Variants in MTRF1 observed in about 807,000 individuals in gnomAD.
The protein encoded by MTRF1 is mitochondrial translation release factor 1.
A neutral mutation model predicts 62.9 loss-of-function variants in MTRF1; 51 were observed. That is an observed-to-expected ratio of 0.81 (90% CI 0.65 to 1.02). The LOEUF (loss-of-function observed/expected upper bound fraction) is 1.02, where lower values mean the gene tolerates loss of function less well. Ranked by LOEUF, MTRF1 falls within the 50% of genes least tolerant of loss-of-function variation. MTRF1 has a pLI of 0.00. For synonymous variants in MTRF1, 158 were observed against 181.9 expected (o/e 0.87, Z 1.06); for missense variants, 446 against 530.0 (o/e 0.84, Z 1.56).
chr13:41,269,200 T>TTTTG, the MTRF1 span, among the ~76,000 whole-genome samples: 4 of 64,486 alleles, frequency 6.2e-5, no homozygotes, highest in East Asian at 3.2e-4. Context: ...TTTTTTTTGG[T>TTTTG]TTTTTTTTTT....
chr13:41,220,174 A>G (rs550109530), intron 9 of MTRF1, among the ~76,000 whole-genome samples: 1 of 150,710 alleles, frequency 6.6e-6, no homozygotes, highest in Non-Finnish European at 1.5e-5. Flanking sequence ...TTAAAAACAC[A>G]GAAAAATTAG....
At chr13:41,298,384 C>CATT in the MTRF1 span, among the ~76,000 whole-genome samples, 150,600 of 151,126 alleles carry the variant, frequency 1, 75,039 homozygotes, top group Middle Eastern at 1. Flanking sequence ...TAAGTTAGCA[C>CATT]TATTACGAAG....
intron 6 of MTRF1, among the ~76,000 whole-genome samples, chr13:41,237,728 A>T (rs1201726299): frequency 6.6e-6 from 1 of 152,050 alleles, no homozygotes; most frequent in Non-Finnish European, 1.5e-5. Flanking sequence ...TGAACTCCTG[A>T]CCTCAAATGA....
the MTRF1 span, among the ~76,000 whole-genome samples, chr13:41,307,323 T>C: frequency 6.6e-6 from 1 of 152,140 alleles, no homozygotes; most frequent in Non-Finnish European, 1.5e-5. Flanking sequence ...CACGATCTAG[T>C]TGTTTAAAAG....
chr13:41,239,813 G>A (rs2037218640), intron 6 of MTRF1, among the ~76,000 whole-genome samples: 1 of 152,120 alleles, frequency 6.6e-6, no homozygotes, highest in African/African-American at 2.4e-5. Context: ...TTGCCTAGGG[G>A]AGAGTTAAAC....
chr13:41,269,564 T>TA, the MTRF1 span, among the ~76,000 whole-genome samples: 7,535 of 151,748 alleles, frequency 0.05, 243 homozygotes, highest in Non-Finnish European at 0.077. Flanking sequence ...TTCACTTTTT[T>TA]AAAAAGGACA....
chr13:41,228,754 A>G (rs1413415241), intron 7 of MTRF1, among the ~76,000 whole-genome samples: 1 of 152,246 alleles, frequency 6.6e-6, no homozygotes, highest in Non-Finnish European at 1.5e-5. Flanking sequence ...ACCCCTATGA[A>G]TAACTCTTCC....
intron 2 of MTRF1, among the ~76,000 whole-genome samples, 154 bp downstream of exon 2, chr13:41,260,339 T>C (rs1268947807): frequency 6.6e-6 from 1 of 151,760 alleles, no homozygotes; most frequent in Non-Finnish European, 1.5e-5. Context: ...GGGCAACAAG[T>C]GAGAACCTGC....
chr13:41,259,659 G>A (rs1480518759), intron 2 of MTRF1, among the ~76,000 whole-genome samples: 11 of 125,190 alleles, frequency 8.8e-5, no homozygotes, highest in Non-Finnish European at 9.8e-5. Context: ...CCGAGATCCC[G>A]CCACTGCACT....
At chr13:41,278,750 C>T in the MTRF1 span, among the ~76,000 whole-genome samples, 28 of 152,310 alleles carry the variant, frequency 1.8e-4, no homozygotes, top group African/African-American at 6.5e-4. Flanking sequence ...AATAAGCCAT[C>T]TTTACCAACA....
chr13:41,295,066 G>A, the MTRF1 span, among the ~76,000 whole-genome samples: 1 of 152,080 alleles, frequency 6.6e-6, no homozygotes, highest in Non-Finnish European at 1.5e-5. Flanking sequence ...TGATTTGCAG[G>A]TCACATGTGA....
At chr13:41,229,340 C>CA (rs2035082707) in intron 7 of MTRF1, 1 of 152,168 alleles carries the variant, frequency 6.6e-6, no homozygotes, top group African/African-American at 2.4e-5. Context: ...TGTGAACATT[C>CA]AAAATCTTCT....
At chr13:41,240,218 C>T (rs767799504) in intron 6 of MTRF1, 43 bp downstream of exon 6, 68 of 1,543,538 alleles carry the variant, frequency 4.4e-5, no homozygotes, top group Admixed American at 2.0e-5. Context: ...GCACAATACC[C>T]GTTGACATGG....
the MTRF1 span, among the ~76,000 whole-genome samples, chr13:41,275,006 T>C: frequency 2.0e-5 from 3 of 152,184 alleles, no homozygotes; most frequent in African/African-American, 4.8e-5. Context: ...GGTACTTCCA[T>C]TTACAAAACA....
At position 41,220,395 on chromosome 13, in the gene MTRF1, G is replaced by A. The variant is rs79853494; in HGVS notation, c.1224+2861C>T. ...TCTCTAAGGCCAGGGGAAATTTCCA[G>A]TGTAACTGGAATATAGAGCAGGAGA... On this transcript the variant is annotated intron_variant, in intron 9 of 9. Coordinates refer to ENST00000379480, the MANE Select transcript of MTRF1 (RefSeq NM_004294.4). 9.4e-3 allele frequency: 2,373 copies of A among 251,968 alleles called. 69 individuals carry two copies. The highest frequency in any genetic ancestry group is 0.051 in the African/African-American group (2,196 of 43,056). 15.6% of individuals were successfully genotyped at this position (251,968 alleles called of 1,614,324 possible). A position where few individuals can be genotyped will look rare whatever the true frequency, so the allele number is the denominator to read the frequency against.
chr13:41,306,729 C>T, the MTRF1 span, among the ~76,000 whole-genome samples: 1 of 152,140 alleles, frequency 6.6e-6, no homozygotes, highest in East Asian at 1.9e-4. Flanking sequence ...TGTTATTTTA[C>T]TTTATGCATG....
the MTRF1 span, among the ~76,000 whole-genome samples, chr13:41,272,704 C>T: frequency 2.0e-5 from 3 of 152,148 alleles, no homozygotes; most frequent in Non-Finnish European, 2.9e-5. Flanking sequence ...TGCCTTCTAC[C>T]ATCCTAGAAG....
At chr13:41,290,089 CTTT>C in the MTRF1 span, among the ~76,000 whole-genome samples, 17 of 78,502 alleles carry the variant, frequency 2.2e-4, no homozygotes, top group Non-Finnish European at 3.3e-4. Context: ...TGTAATAGTT[CTTT>C]TTTTTTTTTT....
At chr13:41,284,406 C>A in the MTRF1 span, among the ~76,000 whole-genome samples, 2 of 151,204 alleles carry the variant, frequency 1.3e-5, no homozygotes, top group African/African-American at 4.9e-5. Context: ...TCACTTGAAC[C>A]TGGGAAGCAG....
Sources: gnomAD v4.1 joint callset for allele counts (sites outside exome capture counted in the v4.1 genomes callset) on GRCh38, gnomAD v4.1.1 for gene constraint, MANE v1.5 for transcripts, NCBI Gene and HGNC (gene_info 2026-07-23, HGNC 2026-07-21) for gene names.